Variants in ASIC2 observed in about 807,000 individuals in gnomAD.
The protein encoded by ASIC2 is acid-sensing ion channel 2.
In ASIC2, 25 loss-of-function variants were observed where a neutral mutation model predicts 57.3. The ratio of observed to expected loss-of-function variants is 0.44; its 90% CI spans 0.32 to 0.61. The LOEUF (loss-of-function observed/expected upper bound fraction) is 0.61, where lower values mean the gene tolerates loss of function less well. Among genes scored for constraint, ASIC2 ranks in the 20% least tolerant of loss-of-function variants. The probability of loss-of-function intolerance (pLI) is 0.06; values close to 1 mark genes in which losing one functional copy is unlikely to be tolerated. For missense variants in ASIC2, 641 were observed against 738.1 expected (o/e 0.87, Z 1.52); for synonymous variants, 319 against 307.5 (o/e 1.04, Z -0.39).
intron 1 of ASIC2, among the ~76,000 whole-genome samples, chr17:33,355,581 A>C (rs929697359): frequency 1.3e-5 from 2 of 152,202 alleles, no homozygotes; most frequent in African/African-American, 4.8e-5. Flanking sequence ...ACAGCTTTTA[A>C]GATTGTAAAT....
intron 1 of ASIC2, among the ~76,000 whole-genome samples, chr17:33,411,918 A>C (rs915367116): frequency 6.6e-5 from 10 of 152,238 alleles, no homozygotes; most frequent in Admixed American, 6.5e-4. Flanking sequence ...CATAAATAAA[A>C]GAGATCGCAA....
At chr17:33,538,300 T>G (rs1476841941) in intron 1 of ASIC2, among the ~76,000 whole-genome samples, 1 of 152,104 alleles carries the variant, frequency 6.6e-6, no homozygotes, top group Admixed American at 6.5e-5. Flanking sequence ...TAGGCAGAGT[T>G]GGGATGGCTA....
At chr17:33,674,836 T>A (rs1350116925) in intron 1 of ASIC2, among the ~76,000 whole-genome samples, 1 of 152,198 alleles carries the variant, frequency 6.6e-6, no homozygotes, top group Non-Finnish European at 1.5e-5. Context: ...CTCAGAAGTC[T>A]GTCTTAGGCC....
intron 1 of ASIC2, among the ~76,000 whole-genome samples, chr17:33,498,651 C>G (rs1018946353): frequency 6.6e-6 from 1 of 152,152 alleles, no homozygotes; most frequent in Admixed American, 6.5e-5. Flanking sequence ...CCCGGCACTG[C>G]GCTGGGCTCT....
chr17:33,517,448 G>A (rs1465359496), intron 1 of ASIC2, among the ~76,000 whole-genome samples: 1 of 152,214 alleles, frequency 6.6e-6, no homozygotes, highest in Non-Finnish European at 1.5e-5. Context: ...CTACACCTTA[G>A]CAATTTATAA....
chr17:33,708,759 A>G (rs1471851642), intron 1 of ASIC2, among the ~76,000 whole-genome samples: 2 of 151,760 alleles, frequency 1.3e-5, no homozygotes, highest in Non-Finnish European at 2.9e-5. Flanking sequence ...CCAAATCACA[A>G]TCTCCTTGGC....
At chr17:33,345,870 G>A (rs770722170) in intron 1 of ASIC2, among the ~76,000 whole-genome samples, 1 of 152,112 alleles carries the variant, frequency 6.6e-6, no homozygotes, top group Non-Finnish European at 1.5e-5. Flanking sequence ...CCAGTTAGGA[G>A]GTAATTCCAG....
intron 1 of ASIC2, among the ~76,000 whole-genome samples, chr17:34,083,690 C>G (rs962499887): frequency 6.6e-6 from 1 of 152,126 alleles, no homozygotes; most frequent in Non-Finnish European, 1.5e-5. Context: ...CCTGTTGTTT[C>G]CTGACTTTTT....
At chr17:34,128,536 T>C (rs1911856622) in intron 1 of ASIC2, among the ~76,000 whole-genome samples, 1 of 152,166 alleles carries the variant, frequency 6.6e-6, no homozygotes, top group Admixed American at 6.5e-5. Context: ...GGATGTCACT[T>C]AACTTCCAAG....
At chr17:34,080,579 G>A (rs1222873162) in intron 1 of ASIC2, among the ~76,000 whole-genome samples, 1 of 152,214 alleles carries the variant, frequency 6.6e-6, no homozygotes, top group Non-Finnish European at 1.5e-5. Flanking sequence ...ATTAGCCTGA[G>A]AGGTACCTGC....
chr17:33,695,457 G>A (rs1185713263), intron 1 of ASIC2, among the ~76,000 whole-genome samples: 3 of 152,128 alleles, frequency 2.0e-5, no homozygotes, highest in Non-Finnish European at 4.4e-5. Flanking sequence ...ACATATGCAT[G>A]CATTACTTTT....
chr17:34,007,983 G>A (rs892485801), intron 1 of ASIC2, among the ~76,000 whole-genome samples: 1 of 152,112 alleles, frequency 6.6e-6, no homozygotes, highest in Non-Finnish European at 1.5e-5. Flanking sequence ...CAATCACTCA[G>A]TTTCTTTGAG....
intron 1 of ASIC2, among the ~76,000 whole-genome samples, chr17:33,265,601 G>A (rs148188398): frequency 7.9e-5 from 12 of 152,226 alleles, no homozygotes; most frequent in Non-Finnish European, 1.6e-4. Context: ...GCAAACCACC[G>A]TGGCACATAT....
intron 1 of ASIC2, among the ~76,000 whole-genome samples, chr17:33,835,023 G>A (rs897160136): frequency 2.0e-5 from 3 of 152,218 alleles, no homozygotes; most frequent in African/African-American, 7.2e-5. Flanking sequence ...TTTGCCATAT[G>A]CCTAGCACTG....
At chr17:33,688,977 A>C (rs1908281356) in intron 1 of ASIC2, 1 of 152,182 alleles carries the variant, frequency 6.6e-6, no homozygotes, top group South Asian at 2.1e-4. Context: ...CGCAGAGAGA[A>C]TATAAAGGCA....
chr17:33,260,569 A>G (rs1440135957), intron 1 of ASIC2, among the ~76,000 whole-genome samples: 1 of 152,144 alleles, frequency 6.6e-6, no homozygotes, highest in African/African-American at 2.4e-5. Flanking sequence ...GGGGGCGGGG[A>G]ATACGAGGTC....
In ASIC2 at chr17:33,564,646, C is replaced by A. The variant is rs567256500; in HGVS notation, c.556-452579G>T. Among the ~76,000 whole-genome samples, 31 of 152,372 alleles carry A rather than the reference C, an allele frequency of 2.0e-4. No homozygotes were observed. The South Asian group carries it at 6.2e-3, about 31-fold the overall frequency. On this transcript the variant is annotated intron_variant, in intron 1 of 9. Coordinates refer to the ASIC2 transcript ENST00000359872. ...ACCTCGAAGTGCCAGCAAGCCACCC[C>A]TAGCCTGTTGGGAGCAAGCCCCCCA...
chr17:33,329,452 C>A (rs1454685997), intron 1 of ASIC2, among the ~76,000 whole-genome samples: 1 of 152,048 alleles, frequency 6.6e-6, no homozygotes, highest in African/African-American at 2.4e-5. Context: ...GGTGGAGGAC[C>A]CAGACTCTGT....
chr17:33,576,853 G>C (rs960050512), intron 1 of ASIC2, among the ~76,000 whole-genome samples: 2 of 152,178 alleles, frequency 1.3e-5, no homozygotes, highest in Non-Finnish European at 2.9e-5. Flanking sequence ...CTGGGGAAAG[G>C]TATAGAACAT....
Sources: allele counts gnomAD v4.1 joint callset (sites outside exome capture counted in the v4.1 genomes callset), GRCh38; gene constraint gnomAD v4.1.1; transcripts MANE v1.5; gene names NCBI Gene and HGNC (gene_info 2026-07-23, HGNC 2026-07-21).